PLCZ1: variants seen among roughly 807,000 people sequenced by gnomAD.
The protein encoded by PLCZ1 is phospholipase C zeta 1.
In PLCZ1, 64 loss-of-function variants were observed where a neutral mutation model predicts 76.8. The ratio of observed to expected loss-of-function variants is 0.83; its 90% CI spans 0.68 to 1.03. PLCZ1 has a LOEUF of 1.03. Ranked by LOEUF, PLCZ1 falls within the 50% of genes least tolerant of loss-of-function variation. The pLI is 0.00. For missense variants in PLCZ1, 751 were observed against 713.7 expected (o/e 1.05, Z -0.60); for synonymous variants, 248 against 230.8 (o/e 1.07, Z -0.68).
At chr12:18,660,593 A>G in the PLCZ1 span, among the ~76,000 whole-genome samples, 21 of 152,202 alleles carry the variant, frequency 1.4e-4, no homozygotes, top group Non-Finnish European at 1.5e-4. Flanking sequence ...AGACTCAGAA[A>G]TGACCAGAAA....
At chr12:18,676,892 C>A in the PLCZ1 span, among the ~76,000 whole-genome samples, 1 of 152,082 alleles carries the variant, frequency 6.6e-6, no homozygotes, top group African/African-American at 2.4e-5. Context: ...AAGATCTATG[C>A]ATTCCTCATT....
At chr12:18,688,045 C>A in intron 13 of PLCZ1, 44 bp downstream of exon 13, 1 of 1,600,836 alleles carries the variant, frequency 6.2e-7, no homozygotes, top group South Asian at 1.1e-5. Context: ...AGCTTTCCAA[C>A]AAGAAGTCTA....
the PLCZ1 span, among the ~76,000 whole-genome samples, chr12:18,675,834 T>C: frequency 1.3e-5 from 2 of 150,470 alleles, no homozygotes; most frequent in Non-Finnish European, 3.0e-5. Flanking sequence ...AATGAACAGA[T>C]AGGTAAATAA....
At chr12:18,720,404 G>T (rs1958369956) in intron 4 of PLCZ1, among the ~76,000 whole-genome samples, 1 of 151,178 alleles carries the variant, frequency 6.6e-6, no homozygotes, top group Non-Finnish European at 1.5e-5. Context: ...TGGGTCATTT[G>T]TATCTGATCA....
At chr12:18,674,487 C>T in the PLCZ1 span, among the ~76,000 whole-genome samples, 1 of 152,104 alleles carries the variant, frequency 6.6e-6, no homozygotes. Flanking sequence ...ATTTTTTGGA[C>T]AAATAAATTG....
At chr12:18,646,393 A>G in the PLCZ1 span, among the ~76,000 whole-genome samples, 1 of 152,186 alleles carries the variant, frequency 6.6e-6, no homozygotes, top group African/African-American at 2.4e-5. Flanking sequence ...ACTCACATGG[A>G]TCAGGGTAGA....
chr12:18,674,089 A>G, the PLCZ1 span, among the ~76,000 whole-genome samples: 1 of 152,236 alleles, frequency 6.6e-6, no homozygotes, highest in Non-Finnish European at 1.5e-5. Flanking sequence ...TCTGTCTACC[A>G]CAACTGTGAA....
chr12:18,659,894 A>G, the PLCZ1 span, among the ~76,000 whole-genome samples: 2 of 152,148 alleles, frequency 1.3e-5, no homozygotes, highest in Non-Finnish European at 2.9e-5. Context: ...AAGAAATGCT[A>G]AAGGGAGTCC....
intron 5 of PLCZ1, among the ~76,000 whole-genome samples, chr12:18,716,024 C>T (rs903247936): frequency 6.6e-6 from 1 of 152,048 alleles, no homozygotes; most frequent in African/African-American, 2.4e-5. Flanking sequence ...TGTAGAATTG[C>T]AAATGAATAT....
chr12:18,650,664 A>ATGTG, the PLCZ1 span, among the ~76,000 whole-genome samples: 454 of 35,514 alleles, frequency 0.013, 7 homozygotes, highest in Middle Eastern at 0.042. Context: ...TGGAATATAA[A>ATGTG]TGTGTGTGTG....
intron 2 of PLCZ1, chr12:18,736,802 T>C: frequency 3.2e-6 from 2 of 618,434 alleles, no homozygotes; most frequent in Middle Eastern, 3.0e-4. Flanking sequence ...CGAACACAGT[T>C]TCTGCTACTT....
chr12:18,656,424 G>A, the PLCZ1 span, among the ~76,000 whole-genome samples: 46 of 152,208 alleles, frequency 3.0e-4, no homozygotes, highest in East Asian at 6.2e-3. Flanking sequence ...AAATTAGCTG[G>A]GCATGGTGGC....
At chr12:18,698,034 G>C (rs189314947) in intron 10 of PLCZ1, among the ~76,000 whole-genome samples, 181 of 151,340 alleles carry the variant, frequency 1.2e-3, no homozygotes, top group Admixed American at 2.1e-3. Flanking sequence ...ATTAATTTAT[G>C]CTGTGCCTAC....
chr12:18,650,509 A>T, the PLCZ1 span, among the ~76,000 whole-genome samples: 5 of 150,414 alleles, frequency 3.3e-5, no homozygotes, highest in South Asian at 1.1e-3. Flanking sequence ...TATGAAAAAA[A>T]ATTAAGCTAT....
At chr12:18,716,515 T>G (rs2137485342) in intron 5 of PLCZ1, among the ~76,000 whole-genome samples, 1 of 152,310 alleles carries the variant, frequency 6.6e-6, no homozygotes, top group Admixed American at 6.5e-5. Context: ...ACTATTTAAC[T>G]TTGAGCCTTT....
the PLCZ1 span, among the ~76,000 whole-genome samples, chr12:18,666,280 T>C: frequency 6.6e-6 from 1 of 151,164 alleles, no homozygotes; most frequent in Non-Finnish European, 1.5e-5. Flanking sequence ...GATTAAACTC[T>C]TCAATTAAAG....
At chr12:18,650,702 GTGTATATATCTATATATATATA>G in the PLCZ1 span, among the ~76,000 whole-genome samples, 36 of 27,692 alleles carry the variant, frequency 1.3e-3, 1 homozygote, top group African/African-American at 2.2e-3. Context: ...GTGTGTGTGT[GTGTATATATCTATATATATATA>G]TATATATATA....
chr12:18,729,503 C>T (rs1487065), intron 3 of PLCZ1, among the ~76,000 whole-genome samples: 1 of 151,916 alleles, frequency 6.6e-6, no homozygotes, highest in Non-Finnish European at 1.5e-5. Flanking sequence ...CAGAGTGTCA[C>T]CACATACTAT....
chr12:18,707,846 T>C (rs1956804569), intron 6 of PLCZ1, among the ~76,000 whole-genome samples: 1 of 152,186 alleles, frequency 6.6e-6, no homozygotes, highest in African/African-American at 2.4e-5. Flanking sequence ...GTTTAAAATC[T>C]CACTTCTTGC....
Sources: allele counts gnomAD v4.1 joint callset (sites outside exome capture counted in the v4.1 genomes callset), GRCh38; gene constraint gnomAD v4.1.1; transcripts MANE v1.5; gene names NCBI Gene and HGNC (gene_info 2026-07-23, HGNC 2026-07-21).